Variants in NCOA7 observed in about 807,000 individuals in gnomAD.
NCOA7 encodes the protein nuclear receptor coactivator 7.
NCOA7 carries 45 observed loss-of-function variants against 104.3 expected under a neutral mutation model. The ratio of observed to expected loss-of-function variants is 0.43; its 90% CI spans 0.34 to 0.55. The LOEUF is 0.55. Among genes scored for constraint, NCOA7 ranks in the 20% least tolerant of loss-of-function variants. NCOA7 has a pLI of 0.02. For synonymous variants in NCOA7, 398 were observed against 402.3 expected, an observed-to-expected ratio of 0.99 and a Z score of 0.13; for missense variants, 1,041 against 1,119.7, an observed-to-expected ratio of 0.93 and a Z score of 1.00.
At chr6:125,911,704 G>A (rs1786569474) in intron 10 of NCOA7, among the ~76,000 whole-genome samples, 1 of 151,964 alleles carries the variant, frequency 6.6e-6, no homozygotes, top group Admixed American at 6.6e-5. Flanking sequence ...GAGGAGCTGA[G>A]TCAGAAAGCA....
At chr6:125,796,433 A>G (rs757674874) in intron 1 of NCOA7, among the ~76,000 whole-genome samples, 1 of 147,570 alleles carries the variant, frequency 6.8e-6, no homozygotes, top group Non-Finnish European at 1.5e-5. Flanking sequence ...ACCAAAATCT[A>G]AGGATGCTCA....
chr6:125,927,925 C>T (rs1469915392), intron 14 of NCOA7, among the ~76,000 whole-genome samples, 167 bp downstream of exon 14: 2 of 152,212 alleles, frequency 1.3e-5, no homozygotes, highest in African/African-American at 4.8e-5. Flanking sequence ...CGTCCCTGGC[C>T]TTCTGGGCTG....
intron 3 of NCOA7, among the ~76,000 whole-genome samples, chr6:125,856,422 G>A (rs970487142): frequency 6.6e-6 from 1 of 151,866 alleles, no homozygotes; most frequent in Non-Finnish European, 1.5e-5. Flanking sequence ...GCGCGATCTC[G>A]GCTCACTGTA....
chr6:125,928,684 C>T lies in NCOA7; in HGVS notation c.2742C>T (p.Ser914=). Residue 914 remains serine (S), a synonymous_variant, in exon 16 of 16, where the codon AGC becomes AGT. Coordinates refer to ENST00000392477, the MANE Select transcript of NCOA7 (RefSeq NM_181782.5). The stretch of plus-strand genomic sequence containing the variant: ...ATGCTGATTTATACCACGGACGAAG[C>T]AACTCTTGCAGCACTTTCAATAATG... The part of the protein sequence containing the change: ...WLDADLYHGR[S]NSCSTFNNDI... 4 of 1,612,746 alleles carry T rather than the reference C, an allele frequency of 2.5e-6. No homozygotes were observed. Among genetic ancestry groups the T allele is most frequent in the Non-Finnish European group, 2.5e-6 (3 of 1,179,632 alleles).
At chr6:125,898,807 G>T (rs1188907932) in intron 10 of NCOA7, among the ~76,000 whole-genome samples, 1 of 152,022 alleles carries the variant, frequency 6.6e-6, no homozygotes, top group Non-Finnish European at 1.5e-5. Context: ...ATGAATAAAT[G>T]AGCTTATAAT....
chr6:125,860,245 G>T (rs1446399701), intron 3 of NCOA7, among the ~76,000 whole-genome samples: 1 of 152,128 alleles, frequency 6.6e-6, no homozygotes, highest in African/African-American at 2.4e-5. Flanking sequence ...AGTTAAATTT[G>T]ATACAAGCAC....
In NCOA7 at chr6:125,922,821, A is replaced by C; in HGVS notation, c.2510A>C (p.Asp837Ala). The C allele has an allele frequency of 6.2e-7, 1 of 1,614,060 alleles. No individual in the cohort carries two copies. The highest frequency in any genetic ancestry group is 8.5e-7 in the Non-Finnish European group (1 of 1,179,988). Residue 837 changes from aspartate (D) to alanine (A), a missense_variant, in exon 13 of 16, where the codon GAT becomes GCT. Coordinates refer to ENST00000392477, the MANE Select transcript of NCOA7 (RefSeq NM_181782.5). ...AGTCCTGTCCTATTGGTCATCAAAG[A>C]TATGGATAATCAGGTGAGGCCTGTC... The part of the protein sequence containing the change: ...LDSPVLLVIK[D>A]MDNQIFGAYA...
intron 10 of NCOA7, among the ~76,000 whole-genome samples, chr6:125,895,149 T>G (rs1784904077): frequency 6.6e-6 from 1 of 152,206 alleles, no homozygotes; most frequent in Non-Finnish European, 1.5e-5. Flanking sequence ...TTTCCAATTA[T>G]TTATAGCCTT....
At chr6:125,873,688 A>G (rs137991303) in intron 3 of NCOA7, among the ~76,000 whole-genome samples, 3 of 152,320 alleles carry the variant, frequency 2.0e-5, no homozygotes, top group East Asian at 3.9e-4. Flanking sequence ...GCTAGGTCAT[A>G]TGAGCTATAT....
At chr6:125,927,582 A>G in intron 13 of NCOA7, 81 bp from the exon 14 acceptor site, 1 of 1,012,410 alleles carries the variant, frequency 9.9e-7, no homozygotes, top group Non-Finnish European at 1.6e-6. Context: ...TCAGAACATG[A>G]TGTATCAAAA....
Position 125,855,255 on chromosome 6 carries a change from C to G in NCOA7, c.271+15C>G. 5 of 1,541,516 alleles carry G rather than the reference C, an allele frequency of 3.2e-6. No individual in the cohort carries two copies. The highest frequency in any genetic ancestry group is 1.4e-5 in the African/African-American group (1 of 73,274). ...TTATAGTATTGGTGAGTATTCATGG[C>G]GTTACTGCAGTATTTTCATTTAAAA... On this transcript the variant is annotated intron_variant, in intron 3 of 15. Transcript: ENST00000392477.
intron 1 of NCOA7, among the ~76,000 whole-genome samples, chr6:125,797,626 G>A (rs1211281572): frequency 1.3e-5 from 2 of 152,216 alleles, no homozygotes; most frequent in African/African-American, 4.8e-5. Flanking sequence ...ATCATGAAGT[G>A]AGAGTGCTCT....
chr6:125,925,143 G>T (rs1787918418), intron 13 of NCOA7, among the ~76,000 whole-genome samples: 1 of 152,148 alleles, frequency 6.6e-6, no homozygotes, highest in Admixed American at 6.5e-5. Context: ...CAGAGCAGTG[G>T]GTTAGAGATT....
upstream of NCOA7, among the ~76,000 whole-genome samples, chr6:125,788,698 A>ATTCTT (rs1774589077): frequency 8.2e-6 from 1 of 121,916 alleles, no homozygotes; most frequent in African/African-American, 3.1e-5. Flanking sequence ...CACCCAGCTA[A>ATTCTT]TTTTTTTTTT....
chr6:125,821,765 A>G (rs560891564), intron 2 of NCOA7, among the ~76,000 whole-genome samples: 149 of 152,062 alleles, frequency 9.8e-4, no homozygotes, highest in African/African-American at 3.1e-3. Flanking sequence ...CATTACAGTG[A>G]TCCACTTTAC....
At chr6:125,813,252 A>AG (rs1214963903) in intron 1 of NCOA7, among the ~76,000 whole-genome samples, 4 of 152,214 alleles carry the variant, frequency 2.6e-5, no homozygotes, top group Non-Finnish European at 4.4e-5. Flanking sequence ...GGTGCAGTGA[A>AG]GGGGGTGGGC....
At chr6:125,794,745 A>G (rs184936278) in intron 1 of NCOA7, among the ~76,000 whole-genome samples, 3 of 152,260 alleles carry the variant, frequency 2.0e-5, no homozygotes, top group Admixed American at 2.0e-4. Context: ...ACTTTTTTTT[A>G]AACTCTTACA....
intron 1 of NCOA7, among the ~76,000 whole-genome samples, chr6:125,807,205 T>C (rs947153397): frequency 1.3e-5 from 2 of 152,244 alleles, no homozygotes; most frequent in African/African-American, 4.8e-5. Context: ...ATCCTTCAGA[T>C]GTTTAAAAAC....
intron 1 of NCOA7, among the ~76,000 whole-genome samples, chr6:125,798,638 A>C (rs534273312): frequency 2.3e-4 from 35 of 152,336 alleles, no homozygotes; most frequent in African/African-American, 8.2e-4. Flanking sequence ...GTTAAACATA[A>C]ACAGTATATA....
Sources: gnomAD v4.1 joint callset for allele counts (sites outside exome capture counted in the v4.1 genomes callset) on GRCh38, gnomAD v4.1.1 for gene constraint, MANE v1.5 for transcripts, NCBI Gene and HGNC (gene_info 2026-07-23, HGNC 2026-07-21) for gene names.